GK5: variants seen among roughly 807,000 people sequenced by gnomAD.
GK5 encodes ATP:glycerol 3-phosphotransferase 5.
GK5 carries 39 observed loss-of-function variants against 77.3 expected under a neutral mutation model. The ratio of observed to expected loss-of-function variants is 0.50; its 90% CI spans 0.39 to 0.66. The LOEUF (loss-of-function observed/expected upper bound fraction) is 0.66, where lower values mean the gene tolerates loss of function less well. GK5 is among the 30% of genes least tolerant of loss of function. The pLI is 0.00. For missense variants in GK5, 487 were observed against 633.8 expected (o/e 0.77, Z 2.49); for synonymous variants, 211 against 208.0 (o/e 1.01, Z -0.13).
intron 12 of GK5, 42 bp downstream of exon 12, chr3:142,177,440 G>GA: frequency 8.6e-7 from 1 of 1,161,448 alleles, no homozygotes. Context: ...GGCAGGAGGA[G>GA]AAAAATATTT....
chr3:142,212,979 C>T (rs1420214030), intron 3 of GK5, among the ~76,000 whole-genome samples: 3 of 151,472 alleles, frequency 2.0e-5, no homozygotes, highest in Non-Finnish European at 4.4e-5. Flanking sequence ...GGACTACAGG[C>T]GCTCGCCACC....
intron 3 of GK5, 82 bp from the exon 4 acceptor site, chr3:142,204,870 T>C: frequency 2.7e-6 from 2 of 731,284 alleles, no homozygotes; most frequent in South Asian, 3.5e-5. Context: ...AAAACAAAAT[T>C]AGAGGCCATA....
At chr3:142,167,004 A>T (rs2063479489) in intron 15 of GK5, among the ~76,000 whole-genome samples, 1 of 152,190 alleles carries the variant, frequency 6.6e-6, no homozygotes, top group Non-Finnish European at 1.5e-5. Context: ...TGACACATTA[A>T]ATTCTCCTTT....
At chr3:142,212,756 T>C (rs2064205257) in intron 3 of GK5, among the ~76,000 whole-genome samples, 1 of 148,758 alleles carries the variant, frequency 6.7e-6, no homozygotes, top group Non-Finnish European at 1.5e-5. Flanking sequence ...AGATGTTTAC[T>C]ATACAGTAGC....
chr3:142,182,319 G>GA (rs895793303), intron 10 of GK5, among the ~76,000 whole-genome samples: 5 of 147,942 alleles, frequency 3.4e-5, no homozygotes, highest in East Asian at 1.9e-4. Context: ...CTAACAAATA[G>GA]AAAAAAAAAA....
At chr3:142,175,628 G>T (rs1316636029) in intron 12 of GK5, among the ~76,000 whole-genome samples, 1 of 151,896 alleles carries the variant, frequency 6.6e-6, no homozygotes, top group Non-Finnish European at 1.5e-5. Context: ...TCAATTTCCA[G>T]TTAAAGTTTC....
At chr3:142,204,538 C>T (rs890789243) in intron 4 of GK5, 157 bp downstream of exon 4, 2 of 691,464 alleles carry the variant, frequency 2.9e-6, no homozygotes, top group African/African-American at 1.8e-5. Context: ...ACCACATACG[C>T]CTTTGATTGG....
intron 5 of GK5, among the ~76,000 whole-genome samples, chr3:142,188,892 T>G (rs574168162): frequency 1.3e-5 from 2 of 152,344 alleles, no homozygotes; most frequent in Admixed American, 1.3e-4. Context: ...CTCTGTAAAC[T>G]ATAATAGCTA....
chr3:142,206,567 T>C (rs991897312), intron 3 of GK5, among the ~76,000 whole-genome samples: 6 of 152,246 alleles, frequency 3.9e-5, no homozygotes, highest in Non-Finnish European at 8.8e-5. Flanking sequence ...ATTACTCAAG[T>C]CCTTTGTCCA....
At chr3:142,187,486 T>A (rs976723721) in intron 6 of GK5, among the ~76,000 whole-genome samples, 2 of 151,358 alleles carry the variant, frequency 1.3e-5, no homozygotes, top group South Asian at 4.2e-4. Flanking sequence ...ATACCAATAG[T>A]CCCAGCCACT....
intron 3 of GK5, among the ~76,000 whole-genome samples, chr3:142,207,818 C>T (rs193259992): frequency 3.3e-5 from 5 of 152,272 alleles, no homozygotes; most frequent in Admixed American, 1.3e-4. Context: ...CGTTGTATTG[C>T]GGGCTGCTGG....
At chr3:142,198,697 A>G in intron 5 of GK5, 105 bp downstream of exon 5, 1 of 1,014,836 alleles carries the variant, frequency 9.9e-7, no homozygotes, top group Admixed American at 2.8e-5. Context: ...TTTCCCTCAA[A>G]TAATCAAATT....
intron 12 of GK5, among the ~76,000 whole-genome samples, chr3:142,175,279 G>A (rs1453380746): frequency 1.3e-5 from 2 of 152,030 alleles, no homozygotes; most frequent in Non-Finnish European, 2.9e-5. Context: ...ACTAACTGAT[G>A]CCACCCCCAG....
At chr3:142,214,201 T>G (rs2064239402) in intron 2 of GK5, among the ~76,000 whole-genome samples, 1 of 152,230 alleles carries the variant, frequency 6.6e-6, no homozygotes, top group Non-Finnish European at 1.5e-5. Flanking sequence ...ATTCAAAGTA[T>G]GTCAGATTTA....
rs569711077 is a variant in GK5, at chr3:142,163,166, A to G, written c.*2456T>C. On this transcript the variant is annotated 3_prime_UTR_variant, in exon 16 of 16. Transcript: ENST00000392993. ...CCACAAATATTAAAAATAAAATATT[A>G]GTTTTTAGATTCACAGAAGAAAAAA... 3 of 152,286 alleles carry G rather than the reference A, an allele frequency of 2.0e-5. No individual in the cohort carries two copies. The highest frequency in any genetic ancestry group is 4.4e-5 in the Non-Finnish European group (3 of 68,032). 9.4% of individuals were successfully genotyped at this position (152,286 alleles called of 1,614,324 possible). A position where few individuals can be genotyped will look rare whatever the true frequency, so the allele number is the denominator to read the frequency against.
At chr3:142,193,991 T>C (rs1577129304) in intron 5 of GK5, among the ~76,000 whole-genome samples, 1 of 152,046 alleles carries the variant, frequency 6.6e-6, no homozygotes, top group African/African-American at 2.4e-5. Flanking sequence ...TCCACCCCCC[T>C]CGGCCTCCCA....
intron 12 of GK5, chr3:142,173,117 C>T: frequency 1.5e-5 from 6 of 396,192 alleles, no homozygotes; most frequent in Non-Finnish European, 2.5e-5. Context: ...GGAAGGATTG[C>T]TTGTGCCCAG....
chr3:142,173,240 C>T (rs915535702), intron 12 of GK5: 14 of 418,062 alleles, frequency 3.3e-5, no homozygotes, highest in Middle Eastern at 8.1e-4. Flanking sequence ...TCTCTCTTAG[C>T]TTAATAGCCT....
chr3:142,213,405 T>C (rs1405926637), intron 3 of GK5, 121 bp downstream of exon 3: 3 of 715,740 alleles, frequency 4.2e-6, no homozygotes, highest in Non-Finnish European at 7.6e-6. Flanking sequence ...ATTTCATCCC[T>C]CTTAACCAAA....
Sources: allele counts gnomAD v4.1 joint callset (sites outside exome capture counted in the v4.1 genomes callset), GRCh38; gene constraint gnomAD v4.1.1; transcripts MANE v1.5; gene names NCBI Gene and HGNC (gene_info 2026-07-23, HGNC 2026-07-21).